Variants in WDR7 observed in about 807,000 individuals in gnomAD.
WDR7 encodes WD repeat domain 7.
WDR7 carries 46 observed loss-of-function variants against 169.4 expected under a neutral mutation model. The ratio of observed to expected loss-of-function variants is 0.27; its 90% confidence interval spans 0.21 to 0.35. WDR7 has a LOEUF of 0.35. Among genes scored for constraint, WDR7 ranks in the 10% least tolerant of loss-of-function variants. The pLI, the probability that WDR7 is intolerant of heterozygous loss-of-function variation, is 1.00. For synonymous variants in WDR7, 612 were observed against 666.8 expected (o/e 0.92, Z 1.27); for missense variants, 1,534 against 1,859.3 (o/e 0.83, Z 3.22).
chr18:56,995,068 A>G (rs1270894819), intron 26 of WDR7, among the ~76,000 whole-genome samples: 2 of 152,198 alleles, frequency 1.3e-5, no homozygotes, highest in East Asian at 3.8e-4. Context: ...AGAGAAAAAA[A>G]ACTTCCTTTT....
At chr18:56,776,030 G>A (rs530158108) in intron 16 of WDR7, among the ~76,000 whole-genome samples, 16 of 152,170 alleles carry the variant, frequency 1.1e-4, no homozygotes, top group Middle Eastern at 3.4e-3. Flanking sequence ...TGTGCCATAC[G>A]GTCCTTTTGC....
At chr18:56,662,593 C>T (rs2024927724) in intron 1 of WDR7, among the ~76,000 whole-genome samples, 1 of 152,164 alleles carries the variant, frequency 6.6e-6, no homozygotes, top group Non-Finnish European at 1.5e-5. Flanking sequence ...GTGAAGTGTA[C>T]ATCAACATCT....
chr18:56,936,218 C>T (rs1483129078), intron 23 of WDR7: 3 of 245,074 alleles, frequency 1.2e-5, no homozygotes, highest in Non-Finnish European at 2.3e-5. Flanking sequence ...AAGGTGTTCA[C>T]ACTTTTCACA....
At chr18:56,948,036 A>C (rs992745697) in intron 25 of WDR7, among the ~76,000 whole-genome samples, 3 of 151,874 alleles carry the variant, frequency 2.0e-5, no homozygotes, top group African/African-American at 7.2e-5. Context: ...ATAAAGGATT[A>C]GGGTTTTTTT....
At chr18:56,916,283 A>G (rs1366484145) in intron 21 of WDR7, among the ~76,000 whole-genome samples, 1 of 125,252 alleles carries the variant, frequency 8.0e-6, no homozygotes, top group Non-Finnish European at 1.7e-5. Context: ...CCACCCCACG[A>G]CAGGTCCCGG....
chr18:56,759,675 TAGAGA>T (rs1389671539), intron 16 of WDR7, among the ~76,000 whole-genome samples: 1 of 152,180 alleles, frequency 6.6e-6, no homozygotes, highest in African/African-American at 2.4e-5. Context: ...CAGAATGTGA[TAGAGA>T]AAAGTAAAGA....
chr18:57,016,206 C>T (rs1250157798), intron 26 of WDR7, among the ~76,000 whole-genome samples: 2 of 152,138 alleles, frequency 1.3e-5, no homozygotes, highest in Non-Finnish European at 2.9e-5. Flanking sequence ...CCACACCGGC[C>T]GCTTCCCTCT....
chr18:56,693,914 G>C (rs2025636791), intron 9 of WDR7, among the ~76,000 whole-genome samples: 1 of 151,988 alleles, frequency 6.6e-6, no homozygotes, highest in African/African-American at 2.4e-5. Flanking sequence ...GTGTCATCCA[G>C]GCTGGAGTGC....
intron 21 of WDR7, among the ~76,000 whole-genome samples, chr18:56,898,613 T>C (rs1459472530): frequency 3.3e-5 from 5 of 152,108 alleles, no homozygotes; most frequent in African/African-American, 1.2e-4. Flanking sequence ...ATACCTTTAA[T>C]CTAATCTTGA....
At chr18:56,677,113 A>T (rs1192093076) in intron 2 of WDR7, among the ~76,000 whole-genome samples, 3 of 152,192 alleles carry the variant, frequency 2.0e-5, no homozygotes, top group Non-Finnish European at 2.9e-5. Context: ...GCTCACTAAC[A>T]TCCTTTTCTT....
At chr18:57,002,134 T>G (rs956612355) in intron 26 of WDR7, among the ~76,000 whole-genome samples, 4 of 152,132 alleles carry the variant, frequency 2.6e-5, no homozygotes, top group Non-Finnish European at 4.4e-5. Flanking sequence ...AAAGGAAAAA[T>G]TGTTTTGAGC....
chr18:56,873,989 A>C (rs910503076), intron 20 of WDR7: 1 of 152,220 alleles, frequency 6.6e-6, no homozygotes, highest in African/African-American at 2.4e-5. Flanking sequence ...CAACTGCAGA[A>C]TAGAGCTTTC....
At chr18:56,884,054 G>A (rs1332152210) in intron 21 of WDR7, among the ~76,000 whole-genome samples, 10 of 151,638 alleles carry the variant, frequency 6.6e-5, no homozygotes. Flanking sequence ...GGATTAAGTG[G>A]TAGTTCTACT....
chr18:56,961,438 G>A (rs977181465), intron 25 of WDR7, among the ~76,000 whole-genome samples: 3 of 149,556 alleles, frequency 2.0e-5, no homozygotes, highest in African/African-American at 7.7e-5. Context: ...TAGAATTGGT[G>A]CAAAATCCTC....
rs1599116899 is a variant in WDR7, at chr18:56,871,131, A to G, written c.3305-8813A>G. On this transcript the variant is annotated intron_variant, in intron 20 of 27. Coordinates refer to ENST00000254442, the MANE Select transcript of WDR7 (RefSeq NM_015285.3). ...GTAGGGCTCTGAATGATGTGCTCAGACTATTTATTTTGACTATATGCAGAC... is the reference window on the plus strand; with the variant it reads ...GTAGGGCTCTGAATGATGTGCTCAGGCTATTTATTTTGACTATATGCAGAC... Among the ~76,000 whole-genome samples the G allele has an allele frequency of 1.3e-5, 2 of 152,140 alleles. 1 individual carries two copies.
intron 25 of WDR7, among the ~76,000 whole-genome samples, chr18:56,960,319 A>G (rs1944225387): frequency 6.6e-6 from 1 of 152,204 alleles, no homozygotes; most frequent in South Asian, 2.1e-4. Flanking sequence ...TTCAGATTCT[A>G]GTTTCACTAA....
intron 14 of WDR7, among the ~76,000 whole-genome samples, chr18:56,747,774 A>G (rs1356259464): frequency 6.6e-6 from 1 of 152,152 alleles, no homozygotes; most frequent in Non-Finnish European, 1.5e-5. Flanking sequence ...GAGAATAGTG[A>G]GATGTGGGCC....
chr18:56,802,489 C>T (rs909179276), intron 19 of WDR7, among the ~76,000 whole-genome samples: 5 of 151,176 alleles, frequency 3.3e-5, no homozygotes, highest in African/African-American at 1.2e-4. Context: ...TCCTGAGTAG[C>T]TGGGACTACA....
At chr18:56,970,261 T>C (rs572491716) in intron 26 of WDR7, among the ~76,000 whole-genome samples, 94 of 149,990 alleles carry the variant, frequency 6.3e-4, no homozygotes, top group Non-Finnish European at 1.0e-3. Flanking sequence ...GTTTTTTTTT[T>C]CCCCCAGGAC....
Sources: gnomAD v4.1 joint callset for allele counts (sites outside exome capture counted in the v4.1 genomes callset) on GRCh38, gnomAD v4.1.1 for gene constraint, MANE v1.5 for transcripts, NCBI Gene and HGNC (gene_info 2026-07-23, HGNC 2026-07-21) for gene names.